Variants in PUDP observed in about 807,000 individuals in gnomAD.
The protein encoded by PUDP is pseudouridine-5'-phosphatase.
A neutral mutation model predicts 9.4 loss-of-function variants in PUDP; 8 were observed. The ratio of observed to expected loss-of-function variants is 0.85; its 90% CI spans 0.50 to 1.53. The LOEUF (loss-of-function observed/expected upper bound fraction) is 1.53. PUDP is among the 40% of genes most tolerant of loss of function. The probability of loss-of-function intolerance (pLI) is 0.00; values close to 1 mark genes in which losing one functional copy is unlikely to be tolerated. For synonymous variants in PUDP, 99 were observed against 80.7 expected (o/e 1.23, Z -1.22); for missense variants, 188 against 189.7 (o/e 0.99, Z 0.05).
At chrX:7,040,890 G>T (rs1023678192) in intron 1 of PUDP, among the ~76,000 whole-genome samples, 77 of 109,942 alleles carry the variant, frequency 7.0e-4, no homozygotes, top group Non-Finnish European at 1.3e-3. Flanking sequence ...TTTCTTTCTG[G>T]CCTGTTACAC....
chrX:6,718,387 A>G (rs1050272099), intron 1 of PUDP, among the ~76,000 whole-genome samples: 1 of 112,427 alleles, frequency 8.9e-6, no homozygotes, highest in Non-Finnish European at 1.9e-5. Context: ...TCTGGTATAC[A>G]TATTCCATGG....
At chrX:6,875,023 C>A (rs1445260989) in intron 3 of PUDP, among the ~76,000 whole-genome samples, 1 of 111,633 alleles carries the variant, frequency 9.0e-6, no homozygotes, top group Non-Finnish European at 1.9e-5. Flanking sequence ...GTGCTTGTGC[C>A]CTGCAAAATC....
chrX:6,961,791 C>T (rs1467211625), intron 3 of PUDP, among the ~76,000 whole-genome samples: 1 of 111,635 alleles, frequency 9.0e-6, no homozygotes, highest in Admixed American at 9.6e-5. Flanking sequence ...GAGTCCAGAG[C>T]CTCATTCTTG....
intron 1 of PUDP, among the ~76,000 whole-genome samples, chrX:7,009,760 C>T (rs760615904): frequency 1.4e-4 from 15 of 111,027 alleles, no homozygotes; most frequent in Non-Finnish European, 2.8e-4. Flanking sequence ...GGGTGCAGCA[C>T]ACCAACATGG....
chrX:6,964,973 A>C (rs1928761260), intron 3 of PUDP, among the ~76,000 whole-genome samples: 1 of 112,119 alleles, frequency 8.9e-6, no homozygotes, highest in Admixed American at 9.5e-5. Context: ...AAAGAATTAA[A>C]AGCTAGGTAA....
intron 1 of PUDP, among the ~76,000 whole-genome samples, chrX:7,124,719 G>A (rs1449012799): frequency 9.0e-6 from 1 of 111,153 alleles, no homozygotes; most frequent in Non-Finnish European, 1.9e-5. Flanking sequence ...GGCCGAGGCG[G>A]GTGGATCACG....
At chrX:7,047,865 G>GT (rs1421945432), downstream of PUDP, among the ~76,000 whole-genome samples, 1 of 111,960 alleles carries the variant, frequency 8.9e-6, no homozygotes, top group Non-Finnish European at 1.9e-5. Flanking sequence ...TAATGTGCAC[G>GT]TTTTTTAAAA....
At chrX:6,783,355 GC>G (rs1925596473) in intron 3 of PUDP, among the ~76,000 whole-genome samples, 1 of 110,944 alleles carries the variant, frequency 9.0e-6, no homozygotes, top group Admixed American at 9.6e-5. Flanking sequence ...TTTCGGGAAC[GC>G]CCTGCTCTGT....
At position 7,049,810 on chromosome X, in the gene PUDP, C is replaced by T. The variant is rs1383429665; in HGVS notation, c.*486G>A. The T allele has an allele frequency of 8.9e-6, 1 of 111,782 alleles. No individual in the cohort carries two copies. The highest frequency in any genetic ancestry group is 1.9e-5 in the Non-Finnish European group (1 of 53,998). The allele number at this position is 111,782 out of a possible 1,213,427, so 9.2% of individuals were successfully genotyped here. A position where few individuals can be genotyped will look rare whatever the true frequency, so the allele number is the denominator to read the frequency against. On this transcript the variant is annotated 3_prime_UTR_variant, in exon 4 of 4. Coordinates refer to ENST00000381077, the MANE Select transcript of PUDP (RefSeq NM_012080.5). ...CATAAAGCATATACTTATATGCATACACAGTTTACATTTCCCAGCCAGTGT... is the reference window on the plus strand; with the variant it reads ...CATAAAGCATATACTTATATGCATATACAGTTTACATTTCCCAGCCAGTGT...
At chrX:7,080,041 G>A (rs1407123316) in intron 2 of PUDP, among the ~76,000 whole-genome samples, 3 of 111,781 alleles carry the variant, frequency 2.7e-5, no homozygotes, top group Non-Finnish European at 5.6e-5. Context: ...AATCAAAAGC[G>A]AGTTGTTTGA....
intron 3 of PUDP, among the ~76,000 whole-genome samples, chrX:6,790,428 C>T (rs919453991): frequency 3.6e-5 from 4 of 111,906 alleles, no homozygotes; most frequent in African/African-American, 1.3e-4. Flanking sequence ...AAATAAAAAT[C>T]AAAAACTACT....
chrX:6,837,448 T>G (rs757541659), intron 3 of PUDP, among the ~76,000 whole-genome samples: 11 of 112,786 alleles, frequency 9.8e-5, no homozygotes, highest in Admixed American at 8.4e-4. Context: ...TTGTCGCACT[T>G]GGGAAATCTC....
At chrX:6,775,447 G>C (rs751218139) in intron 3 of PUDP, among the ~76,000 whole-genome samples, 1 of 101,270 alleles carries the variant, frequency 9.9e-6, no homozygotes, top group East Asian at 3.2e-4. Flanking sequence ...ATCTTTTGGG[G>C]CATGGATGGA....
chrX:6,901,702 A>G (rs1432281531), intron 3 of PUDP, among the ~76,000 whole-genome samples: 1 of 112,685 alleles, frequency 8.9e-6, no homozygotes, highest in Admixed American at 9.4e-5. Context: ...CTCTATCTAA[A>G]TAACTATATC....
rs945664412 is a variant in PUDP, at chrX:6,737,638, G to A, written c.*248-31172C>T. Among the ~76,000 whole-genome samples, 14 of 110,675 alleles carry A rather than the reference G, an allele frequency of 1.3e-4. 1 individual carries two copies. Among genetic ancestry groups the A allele is most frequent in the African/African-American group, 4.3e-4 (13 of 30,445 alleles). Reference sequence around the variant, plus strand: ...AGTAGTAGGAGGTGGGGCCACAGAAGTGATGGCGGGGACCCATCTTTGCAT... The same window carrying A: ...AGTAGTAGGAGGTGGGGCCACAGAAATGATGGCGGGGACCCATCTTTGCAT... On this transcript the variant is annotated intron_variant and NMD_transcript_variant, in intron 3 of 3. Transcript: ENST00000655425.
intron 3 of PUDP, among the ~76,000 whole-genome samples, chrX:6,905,876 A>T (rs752636196): frequency 1.8e-5 from 2 of 112,015 alleles, no homozygotes; most frequent in Non-Finnish European, 3.8e-5. Flanking sequence ...TTTTTAATGC[A>T]CTTACGCCCT....
intron 1 of PUDP, among the ~76,000 whole-genome samples, chrX:7,121,884 T>A (rs1289704061): frequency 8.9e-6 from 1 of 112,066 alleles, no homozygotes; most frequent in Non-Finnish European, 1.9e-5. Context: ...CTGTAGATAT[T>A]GGGGTTAAAG....
rs1207232132 is a variant in PUDP, at chrX:7,029,145, T to G, written c.204+48075A>C. Among the ~76,000 whole-genome samples, 8 of 112,006 alleles carry G rather than the reference T, an allele frequency of 7.1e-5. No homozygotes were observed. In the South Asian group the frequency reaches 1.1e-3, roughly 16 times the overall value. ...AACATGAGATTTAAACACGGACCTG[T>G]TTTTTCACTCATCAGCTATTGTTAG... On this transcript the variant is annotated intron_variant and NMD_transcript_variant, in intron 1 of 3. Transcript: ENST00000655425.
chrX:6,745,827 A>G (rs1569090917), intron 3 of PUDP, among the ~76,000 whole-genome samples: 1 of 111,393 alleles, frequency 9.0e-6, no homozygotes. Context: ...TAATTTTTGT[A>G]GAGATGGGAT....
Sources: gnomAD v4.1 joint callset for allele counts (sites outside exome capture counted in the v4.1 genomes callset) on GRCh38, gnomAD v4.1.1 for gene constraint, MANE v1.5 for transcripts, NCBI Gene and HGNC (gene_info 2026-07-23, HGNC 2026-07-21) for gene names.